The following GRM4 variants were observed in gnomAD, a reference collection of about 807,000 sequenced individuals.
The protein encoded by GRM4 is glutamate metabotropic receptor 4.
A neutral mutation model predicts 81.7 loss-of-function variants in GRM4; 28 were observed. That is an observed-to-expected ratio of 0.34 (90% confidence interval 0.25 to 0.47). GRM4 has a LOEUF of 0.47. Ranked by LOEUF, GRM4 falls within the 20% of genes least tolerant of loss-of-function variation. The pLI is 1.00. For synonymous variants in GRM4, 488 were observed against 528.8 expected (o/e 0.92, Z 1.06); for missense variants, 948 against 1,290.0 (o/e 0.73, Z 4.06).
chr6:34,100,590 C>T (rs533084065), intron 2 of GRM4, among the ~76,000 whole-genome samples: 58 of 152,364 alleles, frequency 3.8e-4, no homozygotes, highest in African/African-American at 1.3e-3. Context: ...GTTTACTGAG[C>T]ACCCACTGAG....
intron 6 of GRM4, chr6:34,056,110 A>G (rs1765857921): frequency 6.1e-6 from 1 of 163,706 alleles, no homozygotes; most frequent in Admixed American, 6.2e-5. Flanking sequence ...CTATATATCC[A>G]CCATGCTTAG....
rs981333877 is a variant in GRM4, at chr6:34,058,838, A to G, written c.1027+136T>C. 2.0e-5 allele frequency: 14 copies of G among 695,760 alleles called. No homozygotes were observed. In the Admixed American group the frequency reaches 2.5e-4, roughly 12 times the overall value. 43.1% of individuals were successfully genotyped at this position (695,760 alleles called of 1,614,324 possible). A position where few individuals can be genotyped will look rare whatever the true frequency, so the allele number is the denominator to read the frequency against. On this transcript the variant is annotated intron_variant, in intron 5 of 10. Coordinates refer to ENST00000538487, the MANE Select transcript of GRM4 (RefSeq NM_000841.4). ...AACTCCCAGCCCAAAACCTCAGAAC[A>G]TAAGAGGCTGTGGGCCAAGGAAGAG...
At chr6:34,077,802 C>T (rs1767392018) in intron 3 of GRM4, among the ~76,000 whole-genome samples, 1 of 152,210 alleles carries the variant, frequency 6.6e-6, no homozygotes, top group African/African-American at 2.4e-5. Flanking sequence ...CGGGCCTCCT[C>T]CTCCAGGAAG....
intron 2 of GRM4, chr6:34,102,085 A>C (rs1768871527): frequency 6.5e-7 from 1 of 1,535,582 alleles, no homozygotes; most frequent in East Asian, 2.4e-5. Context: ...TCTTGGCGCC[A>C]TCATGGGGAA....
At position 34,064,489 on chromosome 6, in the gene GRM4, G is replaced by A. The variant is rs557604778; in HGVS notation, c.737-2461C>T. Among the ~76,000 whole-genome samples, 228 of 152,336 alleles carry A rather than the reference G, an allele frequency of 1.5e-3. 1 individual carries two copies. The highest frequency in any genetic ancestry group is 5.1e-3 in the African/African-American group (212 of 41,584). ...TGTAGTGAATGGATAGGATTGTGGA[G>A]TTGAGGGGGCTTGTGGGCCCATGGG... On this transcript the variant is annotated intron_variant, in intron 3 of 10. Coordinates refer to ENST00000538487, the MANE Select transcript of GRM4 (RefSeq NM_000841.4). The surrounding 1 kb of genome is among the most constrained non-coding windows in gnomAD (Gnocchi z 4.4).
In GRM4 at chr6:34,102,088, A is replaced by C. The variant is rs192276858; in HGVS notation, c.520-9989T>G. 2.6e-3 allele frequency: 4,006 copies of C among 1,535,582 alleles called. 13 individuals carry two copies. The highest frequency in any genetic ancestry group is 3.3e-3 in the Non-Finnish European group (3,736 of 1,146,832). ...TCCTCTTTTTTCTCTTGGCGCCATCATGGGGAAATAGCTTGGGAAGAGTTT... is the reference window on the plus strand; with the variant it reads ...TCCTCTTTTTTCTCTTGGCGCCATCCTGGGGAAATAGCTTGGGAAGAGTTT... On this transcript the variant is annotated intron_variant, in intron 2 of 10. Coordinates refer to ENST00000538487, the MANE Select transcript of GRM4 (RefSeq NM_000841.4).
At chr6:34,031,990 C>T (rs1764453077) in intron 9 of GRM4, among the ~76,000 whole-genome samples, 1 of 152,092 alleles carries the variant, frequency 6.6e-6, no homozygotes, top group African/African-American at 2.4e-5. Context: ...CAAACACACA[C>T]ACACACACAC....
rs144961901 is a variant in GRM4, at chr6:34,034,215, C to T, written c.2442+1453G>A. 4.8e-3 allele frequency among the ~76,000 whole-genome samples: 725 copies of T among 152,350 alleles called. 4 individuals are homozygous for T. Among genetic ancestry groups the T allele is most frequent in the African/African-American group, 0.017 (688 of 41,584 alleles). Reference sequence around the variant, plus strand: ...TGTCCAAAGGACCCCTTCTCCTGCCCCTCCCAGGCTCCTCTCATTGTCTGC... The same window carrying T: ...TGTCCAAAGGACCCCTTCTCCTGCCTCTCCCAGGCTCCTCTCATTGTCTGC... On this transcript the variant is annotated intron_variant, in intron 9 of 10. Coordinates refer to ENST00000538487, the MANE Select transcript of GRM4 (RefSeq NM_000841.4). This position sits in a 1 kb window ranked among gnomAD's most constrained non-coding sequence, Gnocchi z 4.0.
In GRM4 at chr6:34,080,847, TAC is replaced by T. The variant is rs1160601181; in HGVS notation, c.736+11034_736+11035del. Among the ~76,000 whole-genome samples, 16 of 138,304 alleles carry T rather than the reference TAC, an allele frequency of 1.2e-4. No individual in the cohort carries two copies. Among genetic ancestry groups the T allele is most frequent in the Admixed American group, 1.1e-3 (15 of 13,788 alleles). The allele number at this position is 138,304 out of a possible 152,430, so 90.7% of individuals were successfully genotyped here. A position where few individuals can be genotyped will look rare whatever the true frequency, so the allele number is the denominator to read the frequency against. On this transcript the variant is annotated intron_variant, in intron 3 of 10. Transcript: ENST00000538487. The surrounding 1 kb of genome is among the most constrained non-coding windows in gnomAD (Gnocchi z 5.4). ...TCTCTCTCTCACACACACACACACA[TAC>T]ACACACACATACACATACATATACA...
At chr6:34,065,455 C>A (rs1306718467) in intron 3 of GRM4, among the ~76,000 whole-genome samples, 4 of 152,188 alleles carry the variant, frequency 2.6e-5, no homozygotes, top group African/African-American at 9.7e-5. Flanking sequence ...GGAACAAGCC[C>A]ACTCCGTATC....
chr6:34,060,752 C>T (rs1465795949), intron 4 of GRM4: 1 of 152,318 alleles, frequency 6.6e-6, no homozygotes, highest in Non-Finnish European at 1.5e-5. Context: ...CATACACGTT[C>T]AGAGCCAGAA....
chr6:34,056,371 T>G, intron 6 of GRM4, 173 bp downstream of exon 6: 17 of 519,058 alleles, frequency 3.3e-5, no homozygotes, highest in East Asian at 1.1e-4. Context: ...GCCCCGCCCC[T>G]CAAGGCCCCG....
At chr6:34,140,876 G>A (rs920440102) in intron 1 of GRM4, among the ~76,000 whole-genome samples, 4 of 152,218 alleles carry the variant, frequency 2.6e-5, no homozygotes, top group Admixed American at 2.6e-4. Context: ...CACTGGCTTA[G>A]CCCAATCAAC....
At position 34,060,680 on chromosome 6, in the gene GRM4, A is replaced by T. The variant is rs929778921; in HGVS notation, c.872+1213T>A. On this transcript the variant is annotated intron_variant, in intron 4 of 10. Coordinates refer to ENST00000538487, the MANE Select transcript of GRM4 (RefSeq NM_000841.4). ...TTTGGGATGGGAGTAGGGGGCAGGA[A>T]GTCAGGGAGTGGGGCCCGGTGGCTC... The T allele has an allele frequency of 4.6e-4, 70 of 152,396 alleles. 1 individual carries two copies. Among genetic ancestry groups the T allele is most frequent in the African/African-American group, 1.6e-3 (68 of 41,566 alleles). 9.4% of individuals were successfully genotyped at this position (152,396 alleles called of 1,614,324 possible). A position where few individuals can be genotyped will look rare whatever the true frequency, so the allele number is the denominator to read the frequency against.
intron 6 of GRM4, among the ~76,000 whole-genome samples, chr6:34,045,506 G>A (rs1765324013): frequency 6.6e-6 from 1 of 152,232 alleles, no homozygotes; most frequent in East Asian, 1.9e-4. Flanking sequence ...AAGTGGTGGG[G>A]CTGGGACTTG....
rs575118982 is a variant in GRM4 at position 34,126,811 on chromosome 6, G to A, written c.519+6167C>T. Among the ~76,000 whole-genome samples, 5 of 152,310 alleles carry A rather than the reference G, an allele frequency of 3.3e-5. No individual in the cohort carries two copies. In the East Asian group the frequency reaches 9.7e-4, roughly 29 times the overall value. ...TGGCGAGGGTTTCCTGAGGGCCACC[G>A]TCTGCCTGCATCAGCTGGGAGTTCT... On this transcript the variant is annotated intron_variant, in intron 2 of 10. Coordinates refer to ENST00000538487, the MANE Select transcript of GRM4 (RefSeq NM_000841.4).
At chr6:34,127,871 A>T (rs1231389188) in intron 2 of GRM4, among the ~76,000 whole-genome samples, 1 of 152,174 alleles carries the variant, frequency 6.6e-6, no homozygotes, top group Non-Finnish European at 1.5e-5. Context: ...ACACATAAAG[A>T]CACAAAGCCA....
rs75489153 is a variant in GRM4 at position 34,144,616 on chromosome 6, G to C, written c.-364+1384C>G. Among the ~76,000 whole-genome samples, 414 of 152,260 alleles carry C rather than the reference G, an allele frequency of 2.7e-3. 13 individuals carry two copies. In the East Asian group the frequency reaches 0.072, roughly 27 times the overall value. On this transcript the variant is annotated intron_variant, in intron 1 of 10. Transcript: ENST00000538487. ...GGGGCGGGCACGGGAGCTGGACGCGGTGCCTGGGAAAGGAGCCGAGGCGCG... is the reference window on the plus strand; with the variant it reads ...GGGGCGGGCACGGGAGCTGGACGCGCTGCCTGGGAAAGGAGCCGAGGCGCG...
At chr6:34,037,557 G>T (rs1004077335) in intron 8 of GRM4, among the ~76,000 whole-genome samples, 10 of 152,078 alleles carry the variant, frequency 6.6e-5, no homozygotes, top group Non-Finnish European at 8.8e-5. Context: ...GGGGGTGTGG[G>T]GAGGGCTTTA....
Sources: gnomAD v4.1 joint callset for allele counts (sites outside exome capture counted in the v4.1 genomes callset) on GRCh38, gnomAD v4.1.1 for gene constraint, Gnocchi (gnomAD v3.1) non-coding constraint, MANE v1.5 for transcripts, NCBI Gene and HGNC (gene_info 2026-07-23, HGNC 2026-07-21) for gene names.